Variants in STARD9 observed in about 807,000 individuals in gnomAD.
The protein encoded by STARD9 is StAR related lipid transfer domain containing 9.
A neutral mutation model predicts 399.8 loss-of-function variants in STARD9; 346 were observed. The ratio of observed to expected loss-of-function variants is 0.87; its 90% CI spans 0.79 to 0.95. The LOEUF (loss-of-function observed/expected upper bound fraction) is 0.95. STARD9 is among the 40% of genes least tolerant of loss of function. STARD9 has a pLI of 0.00. For synonymous variants in STARD9, 2,203 were observed against 2,143.5 expected (o/e 1.03, Z -0.77); for missense variants, 5,832 against 5,667.5 (o/e 1.03, Z -0.93).
intron 3 of STARD9, among the ~76,000 whole-genome samples, chr15:42,586,894 G>T (rs1441862577): frequency 6.8e-6 from 1 of 145,990 alleles, no homozygotes; most frequent in African/African-American, 2.5e-5. Flanking sequence ...TTGTTCTGTT[G>T]CCCAGGCTGG....
In STARD9 at chr15:42,688,574, T is replaced by G. The variant is rs1373439292; in HGVS notation, c.6996T>G (p.Ser2332Arg). 3.9e-6 allele frequency: 6 copies of G among 1,537,612 alleles called. No homozygotes were observed. Among genetic ancestry groups the G allele is most frequent in the Non-Finnish European group, 5.2e-6 (6 of 1,147,018 alleles). The change falls in exon 23 of 33, where the codon AGT (serine) becomes AGG (arginine). Residue 2332 changes from serine (S) to arginine (R), a missense_variant. Physicochemically the swap from Ser to Arg is moderately radical, Grantham distance 110. This residue lies in a region of STARD9 where 5,828 missense variants were observed against 5,651.1 expected (regional missense o/e 1.03). Coordinates refer to ENST00000290607, the MANE Select transcript of STARD9 (RefSeq NM_020759.3). ...CAGCTCCTCTTCACCAAGACCTGAG[T>G]AATACCTTGCCCTTGAATTCTCCAA... ...FCTAPLHQDL[S>R]NTLPLNSPRW...
chr15:42,641,657 T>A (rs1191292164), intron 7 of STARD9, among the ~76,000 whole-genome samples: 3 of 151,694 alleles, frequency 2.0e-5, no homozygotes, highest in Non-Finnish European at 4.4e-5. Flanking sequence ...CAGACTGGAG[T>A]GCAATGGCGC....
intron 1 of STARD9, among the ~76,000 whole-genome samples, chr15:42,580,753 A>G (rs1465113927): frequency 2.0e-5 from 3 of 152,176 alleles, no homozygotes; most frequent in Admixed American, 6.5e-5. Context: ...CAGAGGTTGC[A>G]GTGAGCAGAG....
intron 20 of STARD9, among the ~76,000 whole-genome samples, chr15:42,678,501 C>G (rs975534781): frequency 6.6e-6 from 1 of 152,170 alleles, no homozygotes; most frequent in Admixed American, 6.5e-5. Flanking sequence ...TTGGCATTTT[C>G]CCATTTGGAA....
chr15:42,613,608 T>C (rs934843859), intron 3 of STARD9, among the ~76,000 whole-genome samples: 2 of 152,218 alleles, frequency 1.3e-5, no homozygotes, highest in African/African-American at 4.8e-5. Context: ...AAAGCACTTA[T>C]AATAGTGCTT....
intron 3 of STARD9, among the ~76,000 whole-genome samples, chr15:42,621,124 T>C (rs1354901804): frequency 6.6e-6 from 1 of 152,234 alleles, no homozygotes; most frequent in African/African-American, 2.4e-5. Flanking sequence ...TTGATACCAG[T>C]ATCACTGAAT....
chr15:42,619,695 G>A (rs557667263), intron 3 of STARD9, among the ~76,000 whole-genome samples: 8 of 152,340 alleles, frequency 5.3e-5, no homozygotes, highest in Admixed American at 5.2e-4. Flanking sequence ...AATGAAGTGA[G>A]CAATGGGAGA....
chr15:42,645,579 T>A (rs2059629147), intron 7 of STARD9, among the ~76,000 whole-genome samples: 1 of 151,590 alleles, frequency 6.6e-6, no homozygotes, highest in Non-Finnish European at 1.5e-5. Context: ...TTTTTTTTTT[T>A]GAGAGAGGGA....
At chr15:42,636,881 C>T (rs1490496911) in intron 4 of STARD9, among the ~76,000 whole-genome samples, 9 of 151,902 alleles carry the variant, frequency 5.9e-5, no homozygotes, top group Non-Finnish European at 1.3e-4. Flanking sequence ...GCCTGGCCAA[C>T]GTGGTGAAAC....
chr15:42,690,204 T>C lies in STARD9; in HGVS notation c.8626T>C (p.Cys2876Arg), dbSNP rs1186290202. The C allele has an allele frequency of 1.2e-5, 18 of 1,537,518 alleles. No homozygotes were observed. In the East Asian group the frequency reaches 2.7e-4, roughly 23 times the overall value. The change falls in exon 23 of 33, where the codon TGT (cysteine) becomes CGT (arginine). Residue 2876 changes from cysteine to arginine, a missense_variant. This residue lies in a region of STARD9 where 5,828 missense variants were observed against 5,651.1 expected (regional missense o/e 1.03). Coordinates refer to ENST00000290607, the MANE Select transcript of STARD9 (RefSeq NM_020759.3). ...AGCTCCCACACAGCAGTGTGTGCAG[T>C]GTAAGGAGAGTGTTGGGTCTGGGTT... is the stretch of plus-strand genomic sequence containing the variant. ...LEAPTQQCVQ[C>R]KESVGSGLTE...
chr15:42,679,381 G>T (rs544175764), intron 20 of STARD9, among the ~76,000 whole-genome samples: 72 of 152,312 alleles, frequency 4.7e-4, no homozygotes, highest in African/African-American at 1.7e-3. Context: ...GCTCCACTGT[G>T]TATATTTGGC....
chr15:42,628,322 G>T (rs1221905962), intron 3 of STARD9, among the ~76,000 whole-genome samples: 1 of 151,898 alleles, frequency 6.6e-6, no homozygotes, highest in East Asian at 1.9e-4. Context: ...ATGTATTCTG[G>T]TTATTAATCC....
intron 3 of STARD9, among the ~76,000 whole-genome samples, chr15:42,600,226 G>A (rs542917128): frequency 6.6e-6 from 1 of 152,178 alleles, no homozygotes; most frequent in African/African-American, 2.4e-5. Context: ...GAAGCGTACT[G>A]GATACTTAGT....
chr15:42,681,533 T>G lies in STARD9; in HGVS notation c.1986T>G (p.His662Gln). Residue 662 changes from histidine (H) to glutamine (Q), a missense_variant, in exon 21 of 33, where the codon CAT (histidine) becomes CAG (glutamine). Physicochemically the swap from His to Gln is conservative, Grantham distance 24 (BLOSUM62 0). Around this residue, in one of 2 missense-constraint regions of STARD9, gnomAD observed 5,828 missense variants for 5,651.1 expected, o/e 1.03. Transcript: ENST00000290607. ...QQQSYVEDLR[H>Q]QILAEEIRAA... The stretch of plus-strand genomic sequence containing the variant: ...AGAGCTACGTAGAGGATTTGAGGCA[T>G]CAAATCCTAGCAGAAGAGATTCGAG... The G allele has an allele frequency of 6.5e-7, 1 of 1,537,182 alleles. No homozygotes were observed. Among genetic ancestry groups the G allele is most frequent in the Non-Finnish European group, 8.7e-7 (1 of 1,146,878 alleles).
chr15:42,692,149 C>A lies in STARD9; in HGVS notation c.10571C>A (p.Pro3524His), dbSNP rs767843713. Residue 3524 changes from proline (P) to histidine (H), a missense_variant, in exon 23 of 33, where the codon CCT becomes CAT. By Grantham distance (77) the Pro-to-His change is moderately conservative. Coordinates refer to ENST00000290607, the MANE Select transcript of STARD9 (RefSeq NM_020759.3). Reference protein sequence around the residue: ...MDNGLEDQNSPFHSHLSTYAN... With the variant: ...MDNGLEDQNSHFHSHLSTYAN... ...AATGGCCTAGAAGACCAGAACTCCC[C>A]TTTCCACTCCCACCTCAGCACTTAC... 3.3e-6 allele frequency: 5 copies of A among 1,537,172 alleles called. No individual in the cohort carries two copies. Among genetic ancestry groups the A allele is most frequent in the Non-Finnish European group, 4.4e-6 (5 of 1,146,886 alleles).
intron 5 of STARD9, 22 bp downstream of exon 5, chr15:42,637,961 G>A (rs2059449690): frequency 1.3e-6 from 2 of 1,537,184 alleles, no homozygotes; most frequent in African/African-American, 2.7e-5. Flanking sequence ...CTTTTGGCTG[G>A]ATCCTCTCAA....
In STARD9 at chr15:42,716,944, GGCAGTT is replaced by G; in HGVS notation, c.13393_13398del (p.Ser4465_Cys4466del). The stretch of plus-strand genomic sequence containing the variant: ...TCTTGTAGGCCACAGAGCCTCCCTG[GGCAGTT>G]GCTGCTGTTCACCATCCAGTCTGTC... On this transcript the variant is annotated inframe_deletion, in exon 28 of 33. Coordinates refer to ENST00000290607, the MANE Select transcript of STARD9 (RefSeq NM_020759.3). The G allele has an allele frequency of 6.5e-7, 1 of 1,537,178 alleles. No individual in the cohort carries two copies. Among genetic ancestry groups the G allele is most frequent in the Non-Finnish European group, 8.7e-7 (1 of 1,146,888 alleles).
At chr15:42,618,772 T>C (rs2059024770) in intron 3 of STARD9, among the ~76,000 whole-genome samples, 1 of 150,422 alleles carries the variant, frequency 6.6e-6, no homozygotes, top group Non-Finnish European at 1.5e-5. Flanking sequence ...AATTTTTGTA[T>C]TTTTATTAGA....
At chr15:42,587,737 G>T (rs1338583728) in intron 3 of STARD9, among the ~76,000 whole-genome samples, 2 of 152,056 alleles carry the variant, frequency 1.3e-5, no homozygotes, top group African/African-American at 4.8e-5. Flanking sequence ...GGCTAATTTT[G>T]TATTTTTAAT....
Sources: allele counts gnomAD v4.1 joint callset (sites outside exome capture counted in the v4.1 genomes callset), GRCh38; gene constraint gnomAD v4.1.1; regional missense constraint gnomAD v4.1.1; transcripts MANE v1.5; gene names NCBI Gene and HGNC (gene_info 2026-07-23, HGNC 2026-07-21).